Variants in OTUD7A observed in about 807,000 individuals in gnomAD.
The protein encoded by OTUD7A is OTU deubiquitinase 7A, also known as OTU domain-containing protein 7A.
OTUD7A carries 12 observed loss-of-function variants against 65.7 expected under a neutral mutation model. The ratio of observed to expected loss-of-function variants is 0.18; its 90% CI spans 0.12 to 0.30. OTUD7A has a LOEUF of 0.30. Among genes scored for constraint, OTUD7A ranks in the 10% least tolerant of loss-of-function variants. The probability of loss-of-function intolerance (pLI) is 1.00; values close to 1 mark genes in which losing one functional copy is unlikely to be tolerated. For synonymous variants in OTUD7A, 641 were observed against 586.3 expected, an observed-to-expected ratio of 1.09 and a Z score of -1.35; for missense variants, 1,148 against 1,304.8, an observed-to-expected ratio of 0.88 and a Z score of 1.85.
At chr15:31,548,141 T>A (rs1366702882) in intron 5 of OTUD7A, among the ~76,000 whole-genome samples, 2 of 148,782 alleles carry the variant, frequency 1.3e-5, no homozygotes, top group Non-Finnish European at 3.0e-5. Flanking sequence ...TCACTCTGTG[T>A]GAGGAGTGTT....
chr15:31,677,218 T>C (rs1364333899), intron 1 of OTUD7A, among the ~76,000 whole-genome samples: 5 of 152,190 alleles, frequency 3.3e-5, no homozygotes, highest in Non-Finnish European at 7.3e-5. Context: ...CTCCAGGGGA[T>C]AGTAGAGCTG....
chr15:31,796,212 CTATCT>C (rs1895955441), intron 1 of OTUD7A, among the ~76,000 whole-genome samples: 1 of 151,052 alleles, frequency 6.6e-6, no homozygotes, highest in African/African-American at 2.4e-5. Context: ...ATCTATCTAT[CTATCT>C]ATCTATCTAT....
At chr15:31,578,416 A>C (rs1460912833) in intron 3 of OTUD7A, among the ~76,000 whole-genome samples, 1 of 152,190 alleles carries the variant, frequency 6.6e-6, no homozygotes, top group Non-Finnish European at 1.5e-5. Flanking sequence ...TGGTCTCAAC[A>C]ACCTCTTTAT....
intron 1 of OTUD7A, among the ~76,000 whole-genome samples, chr15:31,679,853 T>C (rs899656928): frequency 1.3e-5 from 2 of 152,116 alleles, no homozygotes; most frequent in Non-Finnish European, 2.9e-5. Context: ...CAAAGTTCTA[T>C]ATGAGAAAAA....
intron 1 of OTUD7A, among the ~76,000 whole-genome samples, chr15:31,723,419 G>T (rs1353672030): frequency 1.4e-5 from 1 of 69,982 alleles, no homozygotes; most frequent in Non-Finnish European, 2.7e-5. Context: ...CCCCCCGTTT[G>T]CCCATGAAAT....
chr15:31,763,307 AAC>A (rs1895019677), intron 1 of OTUD7A, among the ~76,000 whole-genome samples: 1 of 152,156 alleles, frequency 6.6e-6, no homozygotes, highest in African/African-American at 2.4e-5. Flanking sequence ...CAACAACAAC[AAC>A]AAAAGACAGA....
intron 5 of OTUD7A, among the ~76,000 whole-genome samples, chr15:31,531,513 T>G (rs1595588645): frequency 3.1e-5 from 2 of 65,166 alleles, no homozygotes; most frequent in Admixed American, 2.3e-4. Flanking sequence ...CCAATGAGAG[T>G]AGGCCACAAA....
At chr15:31,675,414 A>G (rs1892575475) in intron 1 of OTUD7A, among the ~76,000 whole-genome samples, 1 of 152,210 alleles carries the variant, frequency 6.6e-6, no homozygotes, top group African/African-American at 2.4e-5. Flanking sequence ...CATGATTCTC[A>G]TGCCAATACA....
chr15:31,633,128 G>C (rs555774101), intron 3 of OTUD7A, among the ~76,000 whole-genome samples: 66 of 152,292 alleles, frequency 4.3e-4, no homozygotes, highest in Middle Eastern at 3.4e-3. Context: ...TGCACCCACT[G>C]TCCTGCACCC....
chr15:31,782,335 G>A (rs571690511), intron 1 of OTUD7A, among the ~76,000 whole-genome samples: 18 of 152,346 alleles, frequency 1.2e-4, no homozygotes, highest in African/African-American at 4.3e-4. Context: ...TATCACAGAA[G>A]AGCATAACCA....
chr15:31,786,568 G>A (rs951077541), intron 1 of OTUD7A, among the ~76,000 whole-genome samples: 18 of 152,194 alleles, frequency 1.2e-4, no homozygotes, highest in Admixed American at 1.1e-3. Context: ...TGGGCGTGTG[G>A]TGCTGTGGGA....
At chr15:31,579,142 T>TA (rs1889294622) in intron 3 of OTUD7A, among the ~76,000 whole-genome samples, 2 of 152,212 alleles carry the variant, frequency 1.3e-5, no homozygotes, top group South Asian at 4.1e-4. Flanking sequence ...AAGAGGTTTG[T>TA]ATCTGAAGAA....
At chr15:31,495,310 G>C (rs558550715) in intron 10 of OTUD7A, among the ~76,000 whole-genome samples, 1 of 152,166 alleles carries the variant, frequency 6.6e-6, no homozygotes, top group Non-Finnish European at 1.5e-5. Context: ...AACACACCTC[G>C]TGCTTTTAAT....
chr15:31,818,556 G>A (rs1403518122), intron 1 of OTUD7A, among the ~76,000 whole-genome samples: 4 of 152,172 alleles, frequency 2.6e-5, no homozygotes, highest in Admixed American at 2.0e-4. Context: ...GATAAAGAGT[G>A]GGCAGAGAGG....
intron 1 of OTUD7A, among the ~76,000 whole-genome samples, chr15:31,792,002 G>A (rs1895829389): frequency 6.6e-6 from 1 of 152,066 alleles, no homozygotes; most frequent in Non-Finnish European, 1.5e-5. Context: ...TGCAAACCAA[G>A]TACTGCCCAA....
chr15:31,833,266 T>C (rs536238627), intron 1 of OTUD7A, among the ~76,000 whole-genome samples: 1 of 152,340 alleles, frequency 6.6e-6, no homozygotes, highest in South Asian at 2.1e-4. Context: ...GGGATGGCAG[T>C]GGAGGCTCTT....
intron 1 of OTUD7A, chr15:31,787,812 G>T (rs978131372): frequency 6.6e-6 from 1 of 152,210 alleles, no homozygotes; most frequent in African/African-American, 2.4e-5. Context: ...AAGTTCTTTA[G>T]GCAACAGTTC....
At chr15:31,504,485 G>A (rs1216488006) in intron 8 of OTUD7A, among the ~76,000 whole-genome samples, 1 of 152,200 alleles carries the variant, frequency 6.6e-6, no homozygotes, top group African/African-American at 2.4e-5. Context: ...AGACGTTCGG[G>A]CAGAAGGTGG....
At chr15:31,836,511 T>C (rs1279459611) in intron 1 of OTUD7A, among the ~76,000 whole-genome samples, 1 of 152,130 alleles carries the variant, frequency 6.6e-6, no homozygotes, top group Non-Finnish European at 1.5e-5. Context: ...CCCAACTAAT[T>C]GTATGAGGCT....
Sources: gnomAD v4.1 joint callset for allele counts (sites outside exome capture counted in the v4.1 genomes callset) on GRCh38, gnomAD v4.1.1 for gene constraint, MANE v1.5 for transcripts, NCBI Gene and HGNC (gene_info 2026-07-23, HGNC 2026-07-21) for gene names.